Variants in ANKRD62 observed in about 807,000 individuals in gnomAD.
ANKRD62 encodes ankyrin repeat domain 62, also known as ankyrin repeat domain-containing protein 62.
A neutral mutation model predicts 98.8 loss-of-function variants in ANKRD62; 61 were observed. The observed-to-expected ratio is 0.62, with a 90% CI of 0.50 to 0.76. ANKRD62 has a LOEUF of 0.76. Ranked by LOEUF, ANKRD62 falls within the 30% of genes least tolerant of loss-of-function variation. The probability of loss-of-function intolerance (pLI) is 0.00; values close to 1 mark genes in which losing one functional copy is unlikely to be tolerated. For synonymous variants in ANKRD62, 341 were observed against 367.9 expected (o/e 0.93, Z 0.84); for missense variants, 933 against 1,082.9 (o/e 0.86, Z 1.94).
chr18:12,106,226 T>C (rs1489451472), intron 7 of ANKRD62, among the ~76,000 whole-genome samples: 1 of 152,248 alleles, frequency 6.6e-6, no homozygotes, highest in African/African-American at 2.4e-5. Context: ...CTTAATGTGA[T>C]TTTGTTTAAT....
intron 10 of ANKRD62, among the ~76,000 whole-genome samples, chr18:12,117,391 T>A (rs1909688192): frequency 6.6e-6 from 1 of 152,204 alleles, no homozygotes; most frequent in Admixed American, 6.5e-5. Flanking sequence ...GTAAACCTAT[T>A]GTGTGGTCAT....
intron 7 of ANKRD62, among the ~76,000 whole-genome samples, chr18:12,104,047 A>T (rs1278613886): frequency 6.6e-6 from 1 of 152,044 alleles, no homozygotes; most frequent in Non-Finnish European, 1.5e-5. Flanking sequence ...GGAAAAAAAC[A>T]CTCAAATGTG....
chr18:12,133,534 C>G (rs1910037120), downstream of ANKRD62, among the ~76,000 whole-genome samples: 3 of 152,274 alleles, frequency 2.0e-5, no homozygotes, highest in South Asian at 6.2e-4. Context: ...TTCTTCACAT[C>G]TTTTCCAGTA....
the ANKRD62 span, among the ~76,000 whole-genome samples, chr18:12,168,046 A>C: frequency 5.3e-5 from 8 of 152,044 alleles, no homozygotes; most frequent in African/African-American, 1.9e-4. Context: ...CCTTTGTCCA[A>C]TGGGTAGATT....
chr18:12,169,894 T>C, the ANKRD62 span, among the ~76,000 whole-genome samples: 1 of 152,236 alleles, frequency 6.6e-6, no homozygotes, highest in Non-Finnish European at 1.5e-5. Context: ...CCATTTCTTC[T>C]AGATTTTCTA....
intron 6 of ANKRD62, chr18:12,102,278 G>T: frequency 1.3e-6 from 1 of 748,436 alleles, no homozygotes; most frequent in South Asian, 1.4e-5. Context: ...CACTAGTCCA[G>T]TGGAGAGACG....
At chr18:12,109,469 C>T (rs773768030) in intron 8 of ANKRD62, among the ~76,000 whole-genome samples, 14 of 152,228 alleles carry the variant, frequency 9.2e-5, no homozygotes, top group Admixed American at 5.2e-4. Flanking sequence ...CAAATTTTGT[C>T]GGAATACAAT....
chr18:12,157,919 G>C, the ANKRD62 span, among the ~76,000 whole-genome samples: 1 of 152,350 alleles, frequency 6.6e-6, no homozygotes, highest in African/African-American at 2.4e-5. Flanking sequence ...GGTGGGAGTG[G>C]CTAGGGTGAA....
chr18:12,129,155 T>C lies in ANKRD62; in HGVS notation c.*1216T>C, dbSNP rs1235595948. On this transcript the variant is annotated 3_prime_UTR_variant, in exon 14 of 14. Coordinates refer to ENST00000587848, the MANE Select transcript of ANKRD62 (RefSeq NM_001277333.2). ...AATGAAATTATAGTTGATATAGTGG[T>C]GTTTGGAATTGAAAAATATAAATGC... 6.6e-6 allele frequency: 1 copy of C among 152,074 alleles called. No individual in the cohort carries two copies. The highest frequency in any genetic ancestry group is 1.5e-5 in the Non-Finnish European group (1 of 68,004). The allele number at this position is 152,074 out of a possible 1,614,324, so 9.4% of individuals were successfully genotyped here. A position where few individuals can be genotyped will look rare whatever the true frequency, so the allele number is the denominator to read the frequency against.
In ANKRD62 at chr18:12,094,192, T is replaced by G; in HGVS notation, c.175T>G (p.Leu59Val). Reference protein sequence around the residue: ...GDVNKVMESILLRLNDLNDRD... With the variant: ...GDVNKVMESIVLRLNDLNDRD... ...TGTGAACAAGGTGATGGAGAGCATC[T>G]TGCTCAGGCTGAATGACTTGAACGA... Residue 59 changes from leucine to valine, a missense_variant, in exon 1 of 14, where the codon TTG becomes GTG. Around this residue, in one of 3 missense-constraint regions of ANKRD62, gnomAD observed 549 missense variants for 587.9 expected, o/e 0.93. Coordinates refer to ENST00000587848, the MANE Select transcript of ANKRD62 (RefSeq NM_001277333.2). 1 of 1,530,790 alleles carries G rather than the reference T, an allele frequency of 6.5e-7. No individual in the cohort carries two copies. The highest frequency in any genetic ancestry group is 1.2e-5 in the South Asian group (1 of 83,636). 94.8% of individuals were successfully genotyped at this position (1,530,790 alleles called of 1,614,324 possible). A position where few individuals can be genotyped will look rare whatever the true frequency, so the allele number is the denominator to read the frequency against.
intron 7 of ANKRD62, among the ~76,000 whole-genome samples, chr18:12,104,326 T>G (rs1213083855): frequency 6.6e-6 from 1 of 152,110 alleles, no homozygotes. Flanking sequence ...AACAGTTAAA[T>G]TTTCATTTTT....
At chr18:12,146,724 G>A in the ANKRD62 span, among the ~76,000 whole-genome samples, 1 of 152,268 alleles carries the variant, frequency 6.6e-6, no homozygotes, top group East Asian at 1.9e-4. Flanking sequence ...GGATTACAGG[G>A]GTGAGCCACC....
intron 8 of ANKRD62, among the ~76,000 whole-genome samples, chr18:12,109,048 C>T (rs1269362043): frequency 6.6e-6 from 1 of 152,194 alleles, no homozygotes; most frequent in Admixed American, 6.5e-5. Context: ...TATGAGCTGT[C>T]AGTGGATCTA....
chr18:12,135,546 G>A, the ANKRD62 span, among the ~76,000 whole-genome samples: 1 of 151,406 alleles, frequency 6.6e-6, no homozygotes, highest in Non-Finnish European at 1.5e-5. Context: ...ATCGTCCTTT[G>A]GGTATATACC....
rs188326579 is a variant in ANKRD62 at position 12,117,885 on chromosome 18, C to T, written c.1240+2351C>T. ...TTTGCTAAAGAAGTTATGATAAAGTCTTTATTGGTTTATTATAAAGACTTT... is the reference window on the plus strand; with the variant it reads ...TTTGCTAAAGAAGTTATGATAAAGTTTTTATTGGTTTATTATAAAGACTTT... On this transcript the variant is annotated intron_variant, in intron 10 of 13. Coordinates refer to ENST00000587848, the MANE Select transcript of ANKRD62 (RefSeq NM_001277333.2). Among the ~76,000 whole-genome samples, 6 of 152,236 alleles carry T rather than the reference C, an allele frequency of 3.9e-5. No individual in the cohort carries two copies. In the East Asian group the frequency reaches 1.2e-3, roughly 29 times the overall value.
chr18:12,169,445 C>T, the ANKRD62 span, among the ~76,000 whole-genome samples: 12 of 151,886 alleles, frequency 7.9e-5, no homozygotes, highest in African/African-American at 2.7e-4. Flanking sequence ...TATTGATTTG[C>T]GTATGTTGAA....
chr18:12,125,224 G>C lies in ANKRD62; in HGVS notation c.1639-236G>C, dbSNP rs1452950623. 2.0e-5 allele frequency among the ~76,000 whole-genome samples: 3 copies of C among 151,674 alleles called. No homozygotes were observed. In the East Asian group the frequency reaches 5.8e-4, roughly 29 times the overall value. Reference sequence around the variant, plus strand: ...TTAGATTCTTAAAGAATTTCTAGTGGTTTCTTTTTTTTTGCTTTCATAGAT... The same window carrying C: ...TTAGATTCTTAAAGAATTTCTAGTGCTTTCTTTTTTTTTGCTTTCATAGAT... On this transcript the variant is annotated intron_variant, in intron 12 of 13. Transcript: ENST00000587848.
intron 10 of ANKRD62, among the ~76,000 whole-genome samples, chr18:12,120,406 G>C (rs1412417675): frequency 6.6e-6 from 1 of 152,120 alleles, no homozygotes. Flanking sequence ...TTTATTGCTG[G>C]AAATTGTTTT....
the ANKRD62 span, among the ~76,000 whole-genome samples, chr18:12,154,575 C>T: frequency 6.6e-6 from 1 of 152,082 alleles, no homozygotes; most frequent in African/African-American, 2.4e-5. Context: ...CCATTCCACC[C>T]TAAAAGCAGA....
Sources: gnomAD v4.1 joint callset for allele counts (sites outside exome capture counted in the v4.1 genomes callset) on GRCh38, gnomAD v4.1.1 for gene constraint, gnomAD v4.1.1 regional missense constraint, MANE v1.5 for transcripts, NCBI Gene and HGNC (gene_info 2026-07-23, HGNC 2026-07-21) for gene names.